The following CSPP1 variants were observed in gnomAD, a reference collection of about 807,000 sequenced individuals.
The protein encoded by CSPP1 is centrosome and spindle pole associated protein 1.
A neutral mutation model predicts 164.4 loss-of-function variants in CSPP1; 126 were observed. The observed-to-expected ratio is 0.77, with a 90% confidence interval of 0.66 to 0.89. The LOEUF is 0.89. Ranked by LOEUF, CSPP1 falls within the 40% of genes least tolerant of loss-of-function variation. The pLI is 0.00. For missense variants in CSPP1, 1,395 were observed against 1,449.8 expected (o/e 0.96, Z 0.61); for synonymous variants, 472 against 476.7 (o/e 0.99, Z 0.13).
At chr8:67,088,627 C>CGGT (rs79666552) in intron 4 of CSPP1, among the ~76,000 whole-genome samples, 149,387 of 149,396 alleles carry the variant, frequency 1, 74,689 homozygotes, top group Non-Finnish European at 1. Context: ...GCCGGGGGCA[C>CGGT]GGCTGACGCC....
intron 4 of CSPP1, among the ~76,000 whole-genome samples, chr8:67,091,451 A>G (rs1199042375): frequency 2.0e-5 from 3 of 152,256 alleles, no homozygotes; most frequent in Admixed American, 2.0e-4. Flanking sequence ...TGCCTTGAGA[A>G]CAAAAAGACA....
intron 14 of CSPP1, 28 bp from the exon 15 acceptor site, chr8:67,118,715 T>C: frequency 6.7e-7 from 1 of 1,485,316 alleles, no homozygotes; most frequent in Non-Finnish European, 9.2e-7. Flanking sequence ...TAAATAAACT[T>C]TTTTTGTTTT....
chr8:67,195,493 T>G lies in CSPP1; in HGVS notation c.3581T>G (p.Leu1194Arg), dbSNP rs1837752478. ...CTCCGCCCTGGCACTTCAGAAACGC[T>G]GAAACGTTTCATGGCAGAGCAGCTG... is the stretch of plus-strand genomic sequence containing the variant. Reference protein sequence around the residue: ...PWLRPGTSETLKRFMAEQLNQ... With the variant: ...PWLRPGTSETRKRFMAEQLNQ... The change falls in exon 31 of 31, where the codon CTG becomes CGG. Residue 1194 changes from leucine (L) to arginine (R), a missense_variant. Transcript: ENST00000678616. The G allele has an allele frequency of 6.2e-7, 1 of 1,614,174 alleles. No individual in the cohort carries two copies.
chr8:67,137,639 C>T, intron 17 of CSPP1, 36 bp downstream of exon 17: 5 of 1,384,162 alleles, frequency 3.6e-6, no homozygotes, highest in Non-Finnish European at 4.8e-6. Flanking sequence ...TTAAAATAAG[C>T]TAAATTATTT....
intron 8 of CSPP1, among the ~76,000 whole-genome samples, chr8:67,103,937 C>T (rs1421258767): frequency 6.6e-6 from 1 of 150,740 alleles, no homozygotes; most frequent in Admixed American, 6.6e-5. Context: ...AAGTAGATAG[C>T]TTTTATGCCT....
At chr8:67,140,407 T>G (rs1228277506) in intron 17 of CSPP1, among the ~76,000 whole-genome samples, 2 of 152,180 alleles carry the variant, frequency 1.3e-5, no homozygotes, top group Non-Finnish European at 2.9e-5. Flanking sequence ...AATAGCTCTT[T>G]TTTTCTTCCC....
At chr8:67,080,432 G>T (rs1250464997) in intron 3 of CSPP1, among the ~76,000 whole-genome samples, 1 of 152,148 alleles carries the variant, frequency 6.6e-6, no homozygotes, top group Non-Finnish European at 1.5e-5. Flanking sequence ...ATTCCATGTG[G>T]CTCTTTCTAC....
intron 17 of CSPP1, among the ~76,000 whole-genome samples, chr8:67,143,457 T>A (rs1287188433): frequency 6.6e-6 from 1 of 152,130 alleles, no homozygotes; most frequent in Non-Finnish European, 1.5e-5. Context: ...ACTATTACTT[T>A]GTCATGTCAA....
At chr8:67,192,144 T>C (rs1046336656) in intron 29 of CSPP1, among the ~76,000 whole-genome samples, 2 of 151,488 alleles carry the variant, frequency 1.3e-5, no homozygotes, top group Non-Finnish European at 2.9e-5. Flanking sequence ...GTGATCTCAG[T>C]GCACTGCACC....
At chr8:67,100,788 AAT>A (rs111484403) in intron 7 of CSPP1, among the ~76,000 whole-genome samples, 1,857 of 146,850 alleles carry the variant, frequency 0.013, 44 homozygotes, top group African/African-American at 0.04. Context: ...ATTATTAAAG[AAT>A]ATATATATAT....
chr8:67,177,748 T>C (rs1832032999), intron 27 of CSPP1, 22 bp downstream of exon 27: 11 of 1,584,772 alleles, frequency 6.9e-6, no homozygotes, highest in Non-Finnish European at 9.5e-6. Context: ...GTTACAATTT[T>C]TCAAGTTAGT....
chr8:67,146,480 GA>G (rs1824587268), intron 17 of CSPP1, among the ~76,000 whole-genome samples: 1 of 152,066 alleles, frequency 6.6e-6, no homozygotes, highest in African/African-American at 2.4e-5. Context: ...TTTGTTTTAT[GA>G]GCCATCAGTT....
chr8:67,168,356 G>T (rs1177281288), intron 24 of CSPP1, among the ~76,000 whole-genome samples: 3 of 151,478 alleles, frequency 2.0e-5, no homozygotes, highest in African/African-American at 7.3e-5. Context: ...GGGAGAGGGA[G>T]ACCTAACGGT....
chr8:67,136,928 G>T (rs568909434), intron 16 of CSPP1, among the ~76,000 whole-genome samples: 1 of 152,100 alleles, frequency 6.6e-6, no homozygotes, highest in East Asian at 1.9e-4. Flanking sequence ...AAGTCATTTG[G>T]TGTATATAGA....
At chr8:67,069,137 G>C (rs576248645) in intron 1 of CSPP1, 6 of 152,098 alleles carry the variant, frequency 3.9e-5, no homozygotes, top group African/African-American at 1.4e-4. Context: ...TGTGTTCTCC[G>C]TGCATTCCTT....
intron 7 of CSPP1, among the ~76,000 whole-genome samples, chr8:67,096,211 G>A (rs1812720498): frequency 6.6e-6 from 1 of 152,170 alleles, no homozygotes; most frequent in Admixed American, 6.5e-5. Context: ...TCTTGGATGA[G>A]GGGAAAAATA....
chr8:67,083,548 A>AAAAAAAAAAAATATAT (rs1332248754), intron 3 of CSPP1: 2 of 91,498 alleles, frequency 2.2e-5, no homozygotes, highest in African/African-American at 8.9e-5. Flanking sequence ...AAAAAAAAAA[A>AAAAAAAAAAAATATAT]ATATATATAT....
chr8:67,161,993 A>T, intron 22 of CSPP1, 78 bp downstream of exon 22: 1 of 974,712 alleles, frequency 1.0e-6, no homozygotes, highest in Non-Finnish European at 1.6e-6. Context: ...TTTCTTTTTC[A>T]TTATATTTGG....
intron 3 of CSPP1, among the ~76,000 whole-genome samples, chr8:67,077,805 A>T (rs562912962): frequency 4.0e-4 from 61 of 152,190 alleles, no homozygotes; most frequent in Non-Finnish European, 7.6e-4. Flanking sequence ...GTGCCAGTGG[A>T]TACAAGGGGA....
Sources: allele counts gnomAD v4.1 joint callset (sites outside exome capture counted in the v4.1 genomes callset), GRCh38; gene constraint gnomAD v4.1.1; transcripts MANE v1.5; gene names NCBI Gene and HGNC (gene_info 2026-07-23, HGNC 2026-07-21).